CCDC178: variants seen among roughly 807,000 people sequenced by gnomAD.
CCDC178 encodes the protein coiled-coil domain containing 178, also known as coiled-coil domain-containing protein 178.
CCDC178 carries 126 observed loss-of-function variants against 117.4 expected under a neutral mutation model. The ratio of observed to expected loss-of-function variants is 1.07; its 90% confidence interval spans 0.93 to 1.24. CCDC178 has a LOEUF of 1.24. Among genes scored for constraint, CCDC178 ranks in the 50% most tolerant of loss-of-function variants. The pLI is 0.00. For missense variants in CCDC178, 1,030 were observed against 986.9 expected (o/e 1.04, Z -0.59); for synonymous variants, 283 against 313.4 (o/e 0.90, Z 1.02).
At chr18:33,385,449 C>G (rs1039682874) in intron 5 of CCDC178, among the ~76,000 whole-genome samples, 3 of 152,132 alleles carry the variant, frequency 2.0e-5, no homozygotes, top group Admixed American at 6.5e-5. Context: ...TAAAATTGAT[C>G]ACATAATTGG....
At chr18:33,309,941 T>C (rs772823129) in intron 11 of CCDC178, among the ~76,000 whole-genome samples, 3 of 1,112 alleles carry the variant, frequency 2.7e-3, no homozygotes, top group African/African-American at 6.3e-3. Context: ...TTCTTTTCTT[T>C]TATTTATTTA....
At chr18:33,364,643 G>T (rs2063174630) in intron 6 of CCDC178, among the ~76,000 whole-genome samples, 1 of 151,918 alleles carries the variant, frequency 6.6e-6, no homozygotes. Context: ...AACAGCTCTA[G>T]GTGGGTGGGG....
chr18:33,059,698 C>A (rs960976289), intron 21 of CCDC178, among the ~76,000 whole-genome samples: 1 of 151,996 alleles, frequency 6.6e-6, no homozygotes, highest in Non-Finnish European at 1.5e-5. Context: ...TATAAACTGT[C>A]AGTACCTTTA....
intron 21 of CCDC178, among the ~76,000 whole-genome samples, chr18:33,075,400 T>C (rs533262417): frequency 1.3e-5 from 2 of 152,312 alleles, no homozygotes; most frequent in Admixed American, 1.3e-4. Context: ...CATTCAAAAA[T>C]ACCTTTCTGG....
At chr18:33,067,689 C>A (rs1054196325) in intron 21 of CCDC178, among the ~76,000 whole-genome samples, 1 of 151,738 alleles carries the variant, frequency 6.6e-6, no homozygotes, top group East Asian at 1.9e-4. Flanking sequence ...ACTAAAAATA[C>A]AAAATTAGCC....
chr18:33,094,081 A>C (rs2057506617), intron 20 of CCDC178, among the ~76,000 whole-genome samples: 1 of 152,050 alleles, frequency 6.6e-6, no homozygotes, highest in Non-Finnish European at 1.5e-5. Context: ...GTATTTACAC[A>C]CTTGAAGATT....
At chr18:32,956,713 T>C (rs763932417) in intron 22 of CCDC178, 1 of 152,230 alleles carries the variant, frequency 6.6e-6, no homozygotes, top group Non-Finnish European at 1.5e-5. Context: ...AAGGCAATGA[T>C]GCTGGAACTC....
At chr18:33,019,913 A>ATATTATTATTATTATTAT (rs35536059) in intron 21 of CCDC178, among the ~76,000 whole-genome samples, 5 of 137,716 alleles carry the variant, frequency 3.6e-5, no homozygotes, top group Non-Finnish European at 7.7e-5. Flanking sequence ...CTTAACTGAG[A>ATATTATTATTATTATTAT]TATTATTATT....
At chr18:32,998,519 C>A (rs1454619318) in intron 21 of CCDC178, among the ~76,000 whole-genome samples, 1 of 152,114 alleles carries the variant, frequency 6.6e-6, no homozygotes, top group Non-Finnish European at 1.5e-5. Context: ...AGTGTTTACA[C>A]CACCCTTCCC....
chr18:33,357,214 T>A (rs1348607485), intron 6 of CCDC178, among the ~76,000 whole-genome samples: 1 of 152,120 alleles, frequency 6.6e-6, no homozygotes, highest in Non-Finnish European at 1.5e-5. Flanking sequence ...AATCAAGCTG[T>A]AACCAAACCA....
intron 11 of CCDC178, among the ~76,000 whole-genome samples, chr18:33,321,804 T>C (rs536933910): frequency 6.6e-6 from 1 of 152,030 alleles, no homozygotes; most frequent in African/African-American, 2.4e-5. Context: ...GTAGTTTATA[T>C]CCAAATATGT....
intron 22 of CCDC178, among the ~76,000 whole-genome samples, chr18:32,940,500 T>A (rs574071935): frequency 5.3e-5 from 8 of 151,990 alleles, no homozygotes; most frequent in Non-Finnish European, 1.2e-4. Flanking sequence ...ATTATTATTA[T>A]TTTTTAACTT....
At chr18:33,438,998 T>C (rs138325512) in intron 2 of CCDC178, among the ~76,000 whole-genome samples, 168 of 152,340 alleles carry the variant, frequency 1.1e-3, no homozygotes, top group African/African-American at 3.9e-3. Flanking sequence ...CCACATAGTC[T>C]GACATTGCTG....
At chr18:33,329,880 TGTGTG>T (rs1568151782) in intron 10 of CCDC178, among the ~76,000 whole-genome samples, 8 of 40,196 alleles carry the variant, frequency 2.0e-4, no homozygotes, top group African/African-American at 4.3e-4. Context: ...TATTAGAGTG[TGTGTG>T]TGTGTGTGTG....
chr18:33,148,127 G>T (rs577111336), intron 20 of CCDC178, among the ~76,000 whole-genome samples: 16 of 152,334 alleles, frequency 1.1e-4, no homozygotes, highest in African/African-American at 3.4e-4. Context: ...ACTCCAGCCT[G>T]GGCAACATTG....
At chr18:33,216,696 T>C (rs950505229) in intron 18 of CCDC178, among the ~76,000 whole-genome samples, 3 of 152,226 alleles carry the variant, frequency 2.0e-5, no homozygotes, top group African/African-American at 4.8e-5. Context: ...ATTTTGAACA[T>C]TGGGTACTGC....
chr18:33,169,442 TA>T (rs561228493), intron 20 of CCDC178, among the ~76,000 whole-genome samples: 42 of 152,286 alleles, frequency 2.8e-4, no homozygotes, highest in Admixed American at 2.2e-3. Flanking sequence ...TCTGCTTCTA[TA>T]ACCAGGAGGC....
chr18:33,301,240 T>C (rs758161285), intron 11 of CCDC178, among the ~76,000 whole-genome samples: 26 of 152,108 alleles, frequency 1.7e-4, no homozygotes, highest in Non-Finnish European at 3.5e-4. Flanking sequence ...TGTGGGTGCA[T>C]AGAATGCAAG....
intron 4 of CCDC178, among the ~76,000 whole-genome samples, chr18:33,395,708 A>G (rs1051948981): frequency 5.3e-5 from 8 of 152,106 alleles, no homozygotes; most frequent in Non-Finnish European, 8.8e-5. Flanking sequence ...GGAAGAAGTC[A>G]TCTGTATTTT....
Sources: gnomAD v4.1 joint callset for allele counts (sites outside exome capture counted in the v4.1 genomes callset) on GRCh38, gnomAD v4.1.1 for gene constraint, MANE v1.5 for transcripts, NCBI Gene and HGNC (gene_info 2026-07-23, HGNC 2026-07-21) for gene names.